The following EBF1 variants were observed in gnomAD, a reference collection of about 807,000 sequenced individuals.
The protein encoded by EBF1 is EBF transcription factor 1.
Under a neutral mutation model 68.4 loss-of-function variants are expected in EBF1, and 10 were observed. That is an observed-to-expected ratio of 0.15 (90% CI 0.09 to 0.25). The LOEUF is 0.25. EBF1 is among the 10% of genes least tolerant of loss of function. The pLI, the probability that EBF1 is intolerant of heterozygous loss-of-function variation, is 1.00. For missense variants in EBF1, 509 were observed against 794.4 expected (o/e 0.64, Z 4.32); for synonymous variants, 298 against 299.8 (o/e 0.99, Z 0.06).
chr5:158,900,252 T>C (rs1286675828), intron 6 of EBF1, among the ~76,000 whole-genome samples: 1 of 152,222 alleles, frequency 6.6e-6, no homozygotes, highest in Non-Finnish European at 1.5e-5. Flanking sequence ...CATATGTGAA[T>C]GTATCTTCAA....
intron 11 of EBF1, among the ~76,000 whole-genome samples, chr5:158,722,117 G>A (rs1359871968): frequency 2.0e-5 from 3 of 152,142 alleles, no homozygotes; most frequent in Non-Finnish European, 4.4e-5. Flanking sequence ...TAAGACCAAC[G>A]CTGTGGGTTA....
intron 6 of EBF1, among the ~76,000 whole-genome samples, chr5:158,940,292 A>G (rs1009518889): frequency 6.6e-6 from 1 of 152,188 alleles, no homozygotes; most frequent in African/African-American, 2.4e-5. Flanking sequence ...GCTGAAACCA[A>G]AGGGCAGGAT....
chr5:158,716,823 G>A (rs1760820217), intron 11 of EBF1, among the ~76,000 whole-genome samples: 1 of 152,128 alleles, frequency 6.6e-6, no homozygotes, highest in Non-Finnish European at 1.5e-5. Flanking sequence ...GAGAGCCACT[G>A]AACACACAGA....
intron 7 of EBF1, among the ~76,000 whole-genome samples, chr5:158,835,726 C>T (rs970641330): frequency 2.0e-5 from 3 of 152,222 alleles, no homozygotes; most frequent in South Asian, 2.1e-4. Flanking sequence ...AGTCAGACTG[C>T]TTGGATTATA....
intron 6 of EBF1, among the ~76,000 whole-genome samples, chr5:159,026,775 G>A (rs17056435): frequency 0.055 from 8,326 of 152,180 alleles, 281 homozygotes; most frequent in East Asian, 0.11. Context: ...ACATGGCCCA[G>A]TACACAAGCA....
At chr5:158,830,694 T>C (rs1158455503) in intron 7 of EBF1, among the ~76,000 whole-genome samples, 1 of 152,234 alleles carries the variant, frequency 6.6e-6, no homozygotes, top group African/African-American at 2.4e-5. Flanking sequence ...TAAAAATAGT[T>C]TGCAGCAGTT....
intron 6 of EBF1, among the ~76,000 whole-genome samples, chr5:158,973,661 T>C (rs139853267): frequency 1.3e-5 from 2 of 152,366 alleles, no homozygotes; most frequent in East Asian, 3.9e-4. Flanking sequence ...AGGACCCTAT[T>C]ATCATTATAC....
chr5:158,844,007 T>C (rs1046685677), intron 6 of EBF1, among the ~76,000 whole-genome samples: 13 of 152,024 alleles, frequency 8.6e-5, no homozygotes, highest in African/African-American at 3.1e-4. Flanking sequence ...ATTGCTGCAT[T>C]TTGTGAGGCG....
At chr5:158,969,842 G>GAGAAAGAAAGAAAA (rs1755033675) in intron 6 of EBF1, among the ~76,000 whole-genome samples, 1 of 67,534 alleles carries the variant, frequency 1.5e-5, no homozygotes, top group Non-Finnish European at 2.8e-5. Flanking sequence ...AAGAAAGAAA[G>GAGAAAGAAAGAAAA]AGAAAGAAAG....
chr5:158,984,845 G>A (rs137936251), intron 6 of EBF1: 2,654 of 151,712 alleles, frequency 0.017, 26 homozygotes, highest in Middle Eastern at 0.034. Context: ...CACCACGCCC[G>A]GCTAATTTTT....
intron 6 of EBF1, among the ~76,000 whole-genome samples, chr5:159,058,089 G>C (rs79468940): frequency 3.5e-4 from 54 of 152,340 alleles, no homozygotes; most frequent in Non-Finnish European, 5.9e-4. Flanking sequence ...GCATCAGCCA[G>C]AATTGGGTGG....
chr5:158,819,031 C>T (rs1036024747), intron 8 of EBF1, among the ~76,000 whole-genome samples: 5 of 151,852 alleles, frequency 3.3e-5, no homozygotes, highest in Non-Finnish European at 5.9e-5. Flanking sequence ...AGAACGTGCT[C>T]ACATTTCTCT....
At chr5:159,097,426 C>G (rs1431965421) in intron 1 of EBF1, 7 of 419,148 alleles carry the variant, frequency 1.7e-5, no homozygotes, top group African/African-American at 2.0e-5. Flanking sequence ...GCATTTACTC[C>G]TACCTGACAC....
chr5:159,014,327 G>T (rs778787399), intron 6 of EBF1, among the ~76,000 whole-genome samples: 6 of 152,130 alleles, frequency 3.9e-5, no homozygotes, highest in Non-Finnish European at 7.4e-5. Flanking sequence ...ATGTTACCAT[G>T]TCCCCAAAAT....
rs1783292834 is a variant in EBF1, at chr5:159,099,746, G to A, written c.-268C>T. 2.2e-5 allele frequency: 5 copies of A among 227,860 alleles called. No individual in the cohort carries two copies. Among genetic ancestry groups the A allele is most frequent in the Non-Finnish European group, 4.1e-5 (5 of 121,946 alleles). 14.1% of individuals were successfully genotyped at this position (227,860 alleles called of 1,614,324 possible). On this transcript the variant is annotated 5_prime_UTR_variant, in exon 1 of 16. Transcript: ENST00000313708. ...CGAAAAGACCAAAATAATAAAATTAGAGATGTATGCTTGGCTGTTGGGGGT... is the reference window on the plus strand; with the variant it reads ...CGAAAAGACCAAAATAATAAAATTAAAGATGTATGCTTGGCTGTTGGGGGT...
intron 6 of EBF1, among the ~76,000 whole-genome samples, chr5:158,930,922 C>T (rs1561544313): frequency 1.3e-5 from 2 of 151,956 alleles, no homozygotes; most frequent in African/African-American, 4.8e-5. Context: ...CTTGCACAAA[C>T]TAAAAAGCTC....
intron 6 of EBF1, among the ~76,000 whole-genome samples, chr5:159,053,637 A>ACACC (rs1368240543): frequency 2.0e-5 from 3 of 148,764 alleles, no homozygotes; most frequent in Non-Finnish European, 4.5e-5. Context: ...ACACACACAC[A>ACACC]CCCCAGACAT....
At chr5:158,714,012 T>C in intron 12 of EBF1, 105 bp downstream of exon 12, 2 of 1,188,548 alleles carry the variant, frequency 1.7e-6, no homozygotes, top group East Asian at 2.3e-5. Context: ...TCTTAACTCA[T>C]GCACATGGCT....
chr5:158,908,571 C>T (rs1021367581), intron 6 of EBF1, among the ~76,000 whole-genome samples: 1 of 152,206 alleles, frequency 6.6e-6, no homozygotes, highest in Non-Finnish European at 1.5e-5. Context: ...GAAACAGCCT[C>T]GTCACAATGC....
Sources: gnomAD v4.1 joint callset for allele counts (sites outside exome capture counted in the v4.1 genomes callset) on GRCh38, gnomAD v4.1.1 for gene constraint, MANE v1.5 for transcripts, NCBI Gene and HGNC (gene_info 2026-07-23, HGNC 2026-07-21) for gene names.